KCNMA1: variants seen among roughly 807,000 people sequenced by gnomAD.
KCNMA1 encodes the protein Calcium-activated potassium channel subunit alpha-1.
KCNMA1 carries 29 observed loss-of-function variants against 140.0 expected under a neutral mutation model. The ratio of observed to expected loss-of-function variants is 0.21; its 90% CI spans 0.15 to 0.28. The LOEUF (loss-of-function observed/expected upper bound fraction) is 0.28. Ranked by LOEUF, KCNMA1 falls within the 10% of genes least tolerant of loss-of-function variation. The probability of loss-of-function intolerance (pLI) is 1.00; values close to 1 mark genes in which losing one functional copy is unlikely to be tolerated. For missense variants in KCNMA1, 880 were observed against 1,602.2 expected, an observed-to-expected ratio of 0.55 and a Z score of 7.70; for synonymous variants, 612 against 611.9, an observed-to-expected ratio of 1.00 and a Z score of 0.00.
At chr10:77,580,238 G>T (rs1008850156) in intron 1 of KCNMA1, among the ~76,000 whole-genome samples, 1 of 151,878 alleles carries the variant, frequency 6.6e-6, no homozygotes, top group Non-Finnish European at 1.5e-5. Flanking sequence ...AAAATTAGCC[G>T]GGCGTGGTGG....
intron 1 of KCNMA1, among the ~76,000 whole-genome samples, chr10:77,498,210 C>G (rs1394812754): frequency 6.6e-6 from 1 of 152,218 alleles, no homozygotes; most frequent in Non-Finnish European, 1.5e-5. Flanking sequence ...AAGAACCTCA[C>G]ATCAGAGCTG....
Position 77,469,916 on chromosome 10 carries a change from T to C in KCNMA1, c.379-65893A>G, listed in dbSNP as rs571793758. Among the ~76,000 whole-genome samples the C allele has an allele frequency of 2.0e-5, 3 of 152,198 alleles. No individual in the cohort carries two copies. The South Asian group carries it at 6.2e-4, about 32-fold the overall frequency. On this transcript the variant is annotated intron_variant, in intron 1 of 27. Transcript: ENST00000286628. ...CCGCTGATAGCTCCTCGGTCAGTCT[T>C]CAACTGCAGCAAGGAACAGGCTGGG...
At chr10:76,960,621 T>TTG (rs1387569883) in intron 20 of KCNMA1, among the ~76,000 whole-genome samples, 10 of 139,596 alleles carry the variant, frequency 7.2e-5, no homozygotes, top group South Asian at 2.2e-4. Flanking sequence ...TGGTTTTGTT[T>TTG]TTTTTTTTTT....
At chr10:77,092,458 A>G (rs2096838359) in intron 9 of KCNMA1, among the ~76,000 whole-genome samples, 1 of 152,200 alleles carries the variant, frequency 6.6e-6, no homozygotes. Context: ...CCATTCTAAC[A>G]TCCTCTGCAC....
At chr10:77,279,696 C>A (rs1052341759) in intron 2 of KCNMA1, among the ~76,000 whole-genome samples, 1 of 152,160 alleles carries the variant, frequency 6.6e-6, no homozygotes, top group South Asian at 2.1e-4. Flanking sequence ...GCAGCTCCCA[C>A]AATTCCCACA....
intron 2 of KCNMA1, among the ~76,000 whole-genome samples, chr10:77,296,043 C>A (rs557419137): frequency 1.3e-5 from 2 of 151,994 alleles, no homozygotes; most frequent in African/African-American, 4.8e-5. Context: ...AAAATAATGA[C>A]CCTCAAAGAT....
intron 14 of KCNMA1, among the ~76,000 whole-genome samples, chr10:77,060,523 A>G (rs61868831): frequency 0.059 from 9,024 of 152,248 alleles, 377 homozygotes; most frequent in Non-Finnish European, 0.09. Context: ...ATGGAGAAGA[A>G]TTTTGTCCCA....
At chr10:76,941,000 AG>A (rs1334180057) in intron 23 of KCNMA1, among the ~76,000 whole-genome samples, 14 of 47,692 alleles carry the variant, frequency 2.9e-4, no homozygotes, top group African/African-American at 1.1e-3. Flanking sequence ...AGAGAAAGAA[AG>A]GAAGGAAGGA....
chr10:77,311,587 T>A (rs1307503035), intron 2 of KCNMA1, among the ~76,000 whole-genome samples: 2 of 152,060 alleles, frequency 1.3e-5, no homozygotes, highest in Admixed American at 6.6e-5. Context: ...TTTTATCATT[T>A]AAAAAAATAA....
intron 5 of KCNMA1, among the ~76,000 whole-genome samples, chr10:77,125,217 T>A (rs902955648): frequency 6.6e-6 from 1 of 152,170 alleles, no homozygotes; most frequent in Non-Finnish European, 1.5e-5. Flanking sequence ...CTGGACCCCT[T>A]GTGTTCTCTG....
intron 23 of KCNMA1, among the ~76,000 whole-genome samples, chr10:76,922,204 A>G (rs1282622246): frequency 6.6e-6 from 1 of 152,204 alleles, no homozygotes; most frequent in Non-Finnish European, 1.5e-5. Flanking sequence ...GAAACACGAG[A>G]GTTTTCAAAA....
intron 24 of KCNMA1, chr10:76,910,457 T>C (rs929111665): frequency 3.0e-6 from 1 of 330,928 alleles, no homozygotes; most frequent in Non-Finnish European, 5.9e-6. Context: ...GATGGACATA[T>C]TTCAATGATG....
At chr10:77,597,325 T>C (rs1357384034) in intron 1 of KCNMA1, among the ~76,000 whole-genome samples, 1 of 152,160 alleles carries the variant, frequency 6.6e-6, no homozygotes, top group African/African-American at 2.4e-5. Flanking sequence ...ATGTATTGTA[T>C]ATTTCTAATG....
intron 23 of KCNMA1, among the ~76,000 whole-genome samples, chr10:76,916,699 T>C (rs944071974): frequency 6.6e-6 from 1 of 152,224 alleles, no homozygotes; most frequent in Non-Finnish European, 1.5e-5. Context: ...TGACCAGATA[T>C]CTGACTCACT....
intron 2 of KCNMA1, among the ~76,000 whole-genome samples, chr10:77,367,906 G>C (rs2094461927): frequency 6.6e-6 from 1 of 152,182 alleles, no homozygotes; most frequent in Non-Finnish European, 1.5e-5. Flanking sequence ...GCTACTGCAT[G>C]TATTCATGGT....
intron 2 of KCNMA1, among the ~76,000 whole-genome samples, chr10:77,335,498 T>G (rs2088581557): frequency 6.6e-6 from 1 of 152,174 alleles, no homozygotes; most frequent in African/African-American, 2.4e-5. Context: ...ATGCCACAAG[T>G]ATACACTCCC....
At chr10:77,132,522 ATTT>A (rs34605286) in intron 5 of KCNMA1, among the ~76,000 whole-genome samples, 292 of 138,392 alleles carry the variant, frequency 2.1e-3, no homozygotes, top group African/African-American at 5.0e-3. Context: ...AGCAGGTTAA[ATTT>A]TTTTTTTTTT....
chr10:77,352,611 T>G (rs1215553696), intron 2 of KCNMA1, among the ~76,000 whole-genome samples: 2 of 149,070 alleles, frequency 1.3e-5, no homozygotes, highest in African/African-American at 5.0e-5. Context: ...TTTAGGATCT[T>G]GCAGTACAGG....
At chr10:77,090,170 C>T (rs1260247412) in intron 10 of KCNMA1, among the ~76,000 whole-genome samples, 4 of 152,174 alleles carry the variant, frequency 2.6e-5, no homozygotes, top group African/African-American at 7.2e-5. Flanking sequence ...GTCCCAGAAT[C>T]GCCTCCACAG....
Sources: allele counts gnomAD v4.1 joint callset (sites outside exome capture counted in the v4.1 genomes callset), GRCh38; gene constraint gnomAD v4.1.1; transcripts MANE v1.5; gene names NCBI Gene and HGNC (gene_info 2026-07-23, HGNC 2026-07-21).